WFDC8: variants seen among roughly 807,000 people sequenced by gnomAD.
WFDC8 encodes the protein WAP four-disulfide core domain protein 8.
A neutral mutation model predicts 27.0 loss-of-function variants in WFDC8; 24 were observed. The observed-to-expected ratio is 0.89, with a 90% CI of 0.64 to 1.25. The LOEUF is 1.25. Among genes scored for constraint, WFDC8 ranks in the 50% most tolerant of loss-of-function variants. The pLI is 0.00. For synonymous variants in WFDC8, 106 were observed against 99.7 expected (o/e 1.06, Z -0.38); for missense variants, 287 against 295.9 (o/e 0.97, Z 0.22).
intron 3 of WFDC8, among the ~76,000 whole-genome samples, chr20:45,557,223 ACTT>A (rs757977622): frequency 3.3e-5 from 5 of 152,114 alleles, no homozygotes; most frequent in Non-Finnish European, 7.3e-5. Flanking sequence ...ACCGACTACC[ACTT>A]CTTCAAGCAT....
chr20:45,575,540 A>C (rs920997124), intron 1 of WFDC8, among the ~76,000 whole-genome samples: 1 of 151,478 alleles, frequency 6.6e-6, no homozygotes, highest in Non-Finnish European at 1.5e-5. Flanking sequence ...AAGATATTTC[A>C]TATTCATATT....
chr20:45,553,756 G>A (rs1010188737), intron 4 of WFDC8, among the ~76,000 whole-genome samples: 1 of 152,142 alleles, frequency 6.6e-6, no homozygotes, highest in African/African-American at 2.4e-5. Flanking sequence ...GGTAATCCAA[G>A]TAAGAAGATG....
chr20:45,569,987 G>A (rs1980814897), intron 1 of WFDC8, among the ~76,000 whole-genome samples: 2 of 152,166 alleles, frequency 1.3e-5, no homozygotes, highest in African/African-American at 4.8e-5. Context: ...TAAATGATGA[G>A]AACACATGGA....
intron 1 of WFDC8, among the ~76,000 whole-genome samples, chr20:45,573,244 T>A (rs1365607026): frequency 6.6e-6 from 1 of 152,242 alleles, no homozygotes; most frequent in Non-Finnish European, 1.5e-5. Context: ...AGTTTTATAG[T>A]TTCAGCCATT....
At chr20:45,565,817 G>A (rs1980657020) in intron 1 of WFDC8, among the ~76,000 whole-genome samples, 1 of 152,162 alleles carries the variant, frequency 6.6e-6, no homozygotes, top group African/African-American at 2.4e-5. Context: ...GAAAAATGAA[G>A]ACATTCTTTT....
chr20:45,573,217 CTA>C (rs1260593314), intron 1 of WFDC8, among the ~76,000 whole-genome samples: 2 of 152,234 alleles, frequency 1.3e-5, no homozygotes, highest in African/African-American at 4.8e-5. Flanking sequence ...AGCTTTCCCC[CTA>C]TGTTTTCTTC....
chr20:45,552,073 T>A lies in WFDC8; in HGVS notation c.679A>T (p.Lys227Ter). 6.2e-7 allele frequency: 1 copy of A among 1,614,150 alleles called. No individual in the cohort carries two copies. Among genetic ancestry groups the A allele is most frequent in the African/African-American group, 1.3e-5 (1 of 75,056 alleles). The change falls in exon 6 of 6, where the codon AAG becomes TAG. Residue 227 changes from lysine (K) to a stop codon, truncating the protein, a stop_gained. Transcript: ENST00000289953. LOFTEE classifies it high-confidence loss of function. ...TTCAGTCCACAATGTGAGCAGCACT[T>A]TTCCACCAATGGGCACTCCTCATCC... ...LQDEECPLVE[K>*]CCSHCGLKCM...
At chr20:45,565,025 G>T (rs8118413) in intron 1 of WFDC8, among the ~76,000 whole-genome samples, 3 of 75,454 alleles carry the variant, frequency 4.0e-5, no homozygotes, top group African/African-American at 1.4e-4. Flanking sequence ...AGAAAGAAAG[G>T]AAGGAAGGAA....
chr20:45,557,924 A>T (rs1405753941), intron 3 of WFDC8, among the ~76,000 whole-genome samples: 11 of 152,174 alleles, frequency 7.2e-5, no homozygotes, highest in Admixed American at 7.2e-4. Context: ...TCTCTGTTGG[A>T]CATTTAAAAA....
intron 3 of WFDC8, among the ~76,000 whole-genome samples, chr20:45,557,063 C>T (rs983376697): frequency 5.3e-5 from 8 of 152,164 alleles, no homozygotes; most frequent in Non-Finnish European, 7.3e-5. Flanking sequence ...AGCCAGCATT[C>T]GTCAACAGAA....
At chr20:45,555,895 G>C in intron 3 of WFDC8, 27 bp from the exon 4 acceptor site, 1 of 1,608,150 alleles carries the variant, frequency 6.2e-7, no homozygotes, top group Non-Finnish European at 8.5e-7. Context: ...AGGAAAGAAG[G>C]ATATGAAGAG....
chr20:45,558,330 C>T (rs957810937), intron 3 of WFDC8, among the ~76,000 whole-genome samples: 1 of 152,122 alleles, frequency 6.6e-6, no homozygotes, highest in African/African-American at 2.4e-5. Context: ...AGTAATAAAC[C>T]CAATTTGTTC....
intron 4 of WFDC8, among the ~76,000 whole-genome samples, chr20:45,555,424 G>C (rs1980202014): frequency 1.3e-5 from 2 of 152,124 alleles, no homozygotes; most frequent in African/African-American, 4.8e-5. Context: ...CTGGCTTTCG[G>C]GTCACATTGG....
chr20:45,555,325 C>T (rs1344330638), intron 4 of WFDC8, among the ~76,000 whole-genome samples: 1 of 152,140 alleles, frequency 6.6e-6, no homozygotes, highest in Non-Finnish European at 1.5e-5. Context: ...CAGAGCTGGC[C>T]TGTCTACACT....
At chr20:45,564,707 C>T (rs1980590086) in intron 1 of WFDC8, among the ~76,000 whole-genome samples, 1 of 150,092 alleles carries the variant, frequency 6.7e-6, no homozygotes, top group Non-Finnish European at 1.5e-5. Context: ...CCCAGCATGG[C>T]AGCGCACACC....
intron 1 of WFDC8, 41 bp downstream of exon 1, chr20:45,579,181 C>T (rs1188988005): frequency 5.6e-6 from 9 of 1,607,600 alleles, no homozygotes; most frequent in Non-Finnish European, 7.7e-6. Flanking sequence ...GGCTCAGACC[C>T]TCCATGTCTG....
intron 1 of WFDC8, among the ~76,000 whole-genome samples, chr20:45,578,798 A>C (rs1369824166): frequency 6.6e-6 from 1 of 152,206 alleles, no homozygotes; most frequent in African/African-American, 2.4e-5. Context: ...TGTTTAATTT[A>C]AAATATCAAA....
chr20:45,564,879 AGAG>A (rs59882052), intron 1 of WFDC8, among the ~76,000 whole-genome samples: 55,224 of 145,974 alleles, frequency 0.38, 11,014 homozygotes, highest in Non-Finnish European at 0.43. Context: ...AGAGGAGAGG[AGAG>A]GAGAAGAGAA....
At chr20:45,573,498 T>C (rs1041347981) in intron 1 of WFDC8, among the ~76,000 whole-genome samples, 23 of 152,204 alleles carry the variant, frequency 1.5e-4, no homozygotes, top group Admixed American at 1.4e-3. Flanking sequence ...TCATACCACC[T>C]GTATACCTTT....
Sources: allele counts gnomAD v4.1 joint callset (sites outside exome capture counted in the v4.1 genomes callset), GRCh38; gene constraint gnomAD v4.1.1; transcripts MANE v1.5; gene names NCBI Gene and HGNC (gene_info 2026-07-23, HGNC 2026-07-21).